Variants in PRKCZ observed in about 807,000 individuals in gnomAD.
PRKCZ encodes protein kinase C zeta, also known as protein kinase C zeta type.
A neutral mutation model predicts 79.5 loss-of-function variants in PRKCZ; 33 were observed. The observed-to-expected ratio is 0.41, with a 90% confidence interval of 0.31 to 0.55. PRKCZ has a LOEUF of 0.55. Among genes scored for constraint, PRKCZ ranks in the 20% least tolerant of loss-of-function variants. The probability of loss-of-function intolerance (pLI) is 0.19; values close to 1 mark genes in which losing one functional copy is unlikely to be tolerated. For missense variants in PRKCZ, 578 were observed against 813.5 expected, an observed-to-expected ratio of 0.71 and a Z score of 3.52; for synonymous variants, 342 against 320.9, an observed-to-expected ratio of 1.07 and a Z score of -0.70.
intron 9 of PRKCZ, among the ~76,000 whole-genome samples, chr1:2,153,868 G>T (rs1680395639): frequency 6.6e-6 from 1 of 152,202 alleles, no homozygotes; most frequent in Non-Finnish European, 1.5e-5. Context: ...ATGCTTGGAT[G>T]GTTTCTAGAA....
intron 4 of PRKCZ, among the ~76,000 whole-genome samples, chr1:2,088,244 G>A (rs1176254588): frequency 6.6e-6 from 1 of 152,090 alleles, no homozygotes; most frequent in Non-Finnish European, 1.5e-5. Flanking sequence ...CTCTGCCCCC[G>A]TCTGTCCCTC....
At chr1:2,150,161 CAAAAAAAAAAAA>C (rs750010192) in intron 8 of PRKCZ, among the ~76,000 whole-genome samples, 4 of 46,684 alleles carry the variant, frequency 8.6e-5, no homozygotes, top group Admixed American at 4.5e-4. Flanking sequence ...GACTCCGTCT[CAAAAAAAAAAAA>C]AAAAAAAAAG....
chr1:2,156,027 G>C lies in PRKCZ; in HGVS notation c.909G>C (p.Val303=), dbSNP rs1299159711. 6.2e-7 allele frequency: 1 copy of C among 1,613,932 alleles called. No individual in the cohort carries two copies. The highest frequency in any genetic ancestry group is 1.3e-5 in the African/African-American group (1 of 74,900). Residue 303 remains valine, a synonymous_variant, in exon 10 of 18, where the codon GTG becomes GTC. Transcript: ENST00000378567. ...ACTGGGTACAGACAGAGAAGCACGT[G>C]TTTGAGCAGGCATCCAGCAACCCCT... ...DIDWVQTEKH[V]FEQASSNPFL...
At chr1:2,086,365 C>T (rs975229024) in intron 4 of PRKCZ, among the ~76,000 whole-genome samples, 1 of 152,138 alleles carries the variant, frequency 6.6e-6, no homozygotes, top group African/African-American at 2.4e-5. Context: ...CTCAGCCTCC[C>T]TAAGTGCTGG....
intron 16 of PRKCZ, among the ~76,000 whole-genome samples, chr1:2,176,907 A>G (rs955335858): frequency 1.3e-5 from 2 of 152,214 alleles, no homozygotes; most frequent in Admixed American, 6.5e-5. Flanking sequence ...GGACGGGGCC[A>G]TTCTCTGTCG....
chr1:2,082,572 C>G lies in PRKCZ; in HGVS notation c.334+22981C>G. 2.6e-6 allele frequency: 1 copy of G among 377,538 alleles called. No individual in the cohort carries two copies. The highest frequency in any genetic ancestry group is 2.0e-5 in the South Asian group (1 of 50,110). The allele number at this position is 377,538 out of a possible 1,614,324, so 23.4% of individuals were successfully genotyped here. On this transcript the variant is annotated intron_variant, in intron 4 of 17. Transcript: ENST00000378567. This position sits in a 1 kb window ranked among gnomAD's most constrained non-coding sequence, Gnocchi z 4.4. Reference sequence around the variant, plus strand: ...ACGATGGTGGGATTTGTCACTCAGTCGATTTCCCTGGTGTAAATGCTCCCA... The same window carrying G: ...ACGATGGTGGGATTTGTCACTCAGTGGATTTCCCTGGTGTAAATGCTCCCA...
intron 4 of PRKCZ, among the ~76,000 whole-genome samples, chr1:2,112,344 G>A (rs775322116): frequency 3.9e-5 from 6 of 152,202 alleles, no homozygotes; most frequent in Non-Finnish European, 5.9e-5. Context: ...CCTTCTGTCC[G>A]AAGCAGCCGG....
chr1:2,146,609 C>G (rs1002438313), intron 7 of PRKCZ, among the ~76,000 whole-genome samples: 1 of 152,186 alleles, frequency 6.6e-6, no homozygotes, highest in Admixed American at 6.5e-5. Flanking sequence ...AAGAAGCATT[C>G]AGAGAGAGAT....
intron 4 of PRKCZ, among the ~76,000 whole-genome samples, chr1:2,100,876 C>T (rs1403128022): frequency 6.6e-6 from 1 of 152,120 alleles, no homozygotes; most frequent in Non-Finnish European, 1.5e-5. Flanking sequence ...GTCTTTCCAA[C>T]ACACCCCCTG....
intron 4 of PRKCZ, among the ~76,000 whole-genome samples, chr1:2,080,405 G>A (rs562340536): frequency 5.9e-5 from 8 of 136,528 alleles, no homozygotes; most frequent in South Asian, 4.2e-4. Flanking sequence ...CTGAGGGGCC[G>A]GAGGGTGTGG....
Position 2,150,991 on chromosome 1 carries a change from T to A in PRKCZ, c.876+13T>A, listed in dbSNP as rs776140037. The A allele has an allele frequency of 6.2e-7, 1 of 1,612,348 alleles. No individual in the cohort carries two copies. On this transcript the variant is annotated intron_variant, in intron 9 of 17. Transcript: ENST00000378567. ...GCATGATGACGAGGTAGGTGCCGCT[T>A]CTCATGGGGCCCGGGGGCCCGGGAA...
intron 10 of PRKCZ, among the ~76,000 whole-genome samples, chr1:2,163,645 C>T (rs1682753027): frequency 6.6e-6 from 1 of 152,114 alleles, no homozygotes; most frequent in Non-Finnish European, 1.5e-5. Flanking sequence ...AATCCCAGCA[C>T]TCTGGGAGGC....
At position 2,057,353 on chromosome 1, in the gene PRKCZ, C is replaced by T. The variant is rs1313468969; in HGVS notation, c.283+780C>T. ...CGTCTGGGGCCTGGGAATGTGGTTC[C>T]AGCGCTGTGGCCAGCCGGTCACGTC... is the stretch of plus-strand genomic sequence containing the variant. On this transcript the variant is annotated intron_variant, in intron 3 of 17. Coordinates refer to ENST00000378567, the MANE Select transcript of PRKCZ (RefSeq NM_002744.6). 4.6e-5 allele frequency among the ~76,000 whole-genome samples: 7 copies of T among 152,314 alleles called. No individual in the cohort carries two copies. The South Asian group carries it at 6.2e-4, about 14-fold the overall frequency.
intron 16 of PRKCZ, chr1:2,182,101 G>A (rs937838597): frequency 6.8e-5 from 20 of 295,532 alleles, no homozygotes; most frequent in South Asian, 1.4e-4. Flanking sequence ...TAGATGCCAC[G>A]TTAGTAGATG....
At chr1:2,069,658 G>A (rs114129279) in intron 4 of PRKCZ, among the ~76,000 whole-genome samples, 1,758 of 152,232 alleles carry the variant, frequency 0.012, 30 homozygotes, top group African/African-American at 0.04. Flanking sequence ...GGTGGTGGGC[G>A]GTCCCCTGAA....
chr1:2,078,019 T>A (rs1433828909), intron 4 of PRKCZ, among the ~76,000 whole-genome samples: 1 of 152,262 alleles, frequency 6.6e-6, no homozygotes, highest in Non-Finnish European at 1.5e-5. Flanking sequence ...GTTTCCTAGA[T>A]GTCTTGTCTC....
At chr1:2,087,199 C>T (rs1664676121) in intron 4 of PRKCZ, among the ~76,000 whole-genome samples, 1 of 152,128 alleles carries the variant, frequency 6.6e-6, no homozygotes, top group Non-Finnish European at 1.5e-5. Context: ...TCTCGCACCT[C>T]AGCCTCCTGA....
intron 10 of PRKCZ, among the ~76,000 whole-genome samples, chr1:2,162,050 G>T (rs1176383627): frequency 1.3e-5 from 2 of 152,130 alleles, no homozygotes; most frequent in African/African-American, 4.8e-5. Context: ...GTTTTGCCTC[G>T]TTTTTCCTTT....
chr1:2,081,169 C>T lies in PRKCZ; in HGVS notation c.334+21578C>T, dbSNP rs141052066. Among the ~76,000 whole-genome samples the T allele has an allele frequency of 3.8e-3, 572 of 152,368 alleles. 5 individuals are homozygous for T. The highest frequency in any genetic ancestry group is 0.013 in the African/African-American group (527 of 41,592). Reference sequence around the variant, plus strand: ...TGTCAAGTTTTGCACGGGACTTGTACGTCTGTTCTCCCATTGGTTATTTAA... The same window carrying T: ...TGTCAAGTTTTGCACGGGACTTGTATGTCTGTTCTCCCATTGGTTATTTAA... On this transcript the variant is annotated intron_variant, in intron 4 of 17. Coordinates refer to ENST00000378567, the MANE Select transcript of PRKCZ (RefSeq NM_002744.6).
Sources: allele counts gnomAD v4.1 joint callset (sites outside exome capture counted in the v4.1 genomes callset), GRCh38; gene constraint gnomAD v4.1.1; non-coding constraint Gnocchi (gnomAD v3.1); transcripts MANE v1.5; gene names NCBI Gene and HGNC (gene_info 2026-07-23, HGNC 2026-07-21).